Variants in NPL observed in about 807,000 individuals in gnomAD.
NPL encodes the protein N-acetylneuraminate pyruvate lyase.
NPL carries 32 observed loss-of-function variants against 41.1 expected under a neutral mutation model. The observed-to-expected ratio is 0.78, with a 90% CI of 0.59 to 1.05. The LOEUF is 1.05. Among genes scored for constraint, NPL ranks in the 50% least tolerant of loss-of-function variants. The pLI is 0.00. For missense variants in NPL, 321 were observed against 378.4 expected (o/e 0.85, Z 1.26); for synonymous variants, 128 against 134.9 (o/e 0.95, Z 0.35).
intron 4 of NPL, among the ~76,000 whole-genome samples, chr1:182,805,657 T>C (rs889275495): frequency 4.6e-5 from 7 of 152,212 alleles, no homozygotes; most frequent in African/African-American, 1.7e-4. Context: ...CCTTTGTGCT[T>C]ATTTATGAAA....
chr1:182,794,376 C>A lies in NPL; in HGVS notation c.5C>A (p.Ala2Asp), dbSNP rs1666598204. 2 of 1,613,936 alleles carry A rather than the reference C, an allele frequency of 1.2e-6. No individual in the cohort carries two copies. M[A>D]FPKKKLQGLV... ...TCCAGACCTACCAGCAGCTCAATGG[C>A]CTTCCCAAAGAAGAAACTTCAGGGT... Residue 2 changes from alanine (A) to aspartate (D), a missense_variant, in exon 3 of 13, where the codon GCC becomes GAC. Transcript: ENST00000367553.
At chr1:182,797,772 T>C (rs370130435) in intron 3 of NPL, among the ~76,000 whole-genome samples, 215 of 152,252 alleles carry the variant, frequency 1.4e-3, no homozygotes, top group African/African-American at 5.1e-3. Context: ...ATTTGTTTAT[T>C]ATTACAATAA....
intron 2 of NPL, among the ~76,000 whole-genome samples, chr1:182,793,165 T>A (rs1362125599): frequency 2.0e-5 from 3 of 152,260 alleles, no homozygotes; most frequent in Admixed American, 2.0e-4. Flanking sequence ...GGTCTGAAAT[T>A]GCATTTGTGG....
At position 182,828,265 on chromosome 1, in the gene NPL, A is replaced by T. The variant is rs1422909930; in HGVS notation, c.779-459A>T. On this transcript the variant is annotated intron_variant, in intron 12 of 12. Coordinates refer to ENST00000367553, the MANE Select transcript of NPL (RefSeq NM_030769.3). This position sits in a 1 kb window ranked among gnomAD's most constrained non-coding sequence, Gnocchi z 4.0. ...AGCATGAAAACAGCAGCGTTGAGTC[A>T]TAAGCCACCTTAAGTACTGCATTTC... Among the ~76,000 whole-genome samples, 1 of 152,238 alleles carries T rather than the reference A, an allele frequency of 6.6e-6. No individual in the cohort carries two copies. Among genetic ancestry groups the T allele is most frequent in the Non-Finnish European group, 1.5e-5 (1 of 68,042 alleles).
intron 6 of NPL, among the ~76,000 whole-genome samples, chr1:182,814,474 G>A (rs1465837423): frequency 6.6e-6 from 1 of 152,172 alleles, no homozygotes. Flanking sequence ...GAAATTACAT[G>A]AGCAGATATC....
chr1:182,803,364 G>A (rs903078033), intron 3 of NPL, among the ~76,000 whole-genome samples: 2 of 152,162 alleles, frequency 1.3e-5, no homozygotes, highest in African/African-American at 4.8e-5. Flanking sequence ...AAGATGTGTG[G>A]CCATATGGAC....
At chr1:182,794,608 A>C (rs751678248) in intron 3 of NPL, among the ~76,000 whole-genome samples, 169 bp downstream of exon 3, 1 of 152,202 alleles carries the variant, frequency 6.6e-6, no homozygotes, top group Non-Finnish European at 1.5e-5. Context: ...AAGTCTGAGG[A>C]GGCATTATAT....
Position 182,829,777 on chromosome 1 carries a change from C to T in NPL, c.*869C>T. The T allele has an allele frequency of 1.3e-6, 1 of 766,582 alleles. No individual in the cohort carries two copies. Among genetic ancestry groups the T allele is most frequent in the Non-Finnish European group, 2.2e-6 (1 of 459,012 alleles). 47.5% of individuals were successfully genotyped at this position (766,582 alleles called of 1,614,324 possible). A position where few individuals can be genotyped will look rare whatever the true frequency, so the allele number is the denominator to read the frequency against. On this transcript the variant is annotated 3_prime_UTR_variant, in exon 13 of 13. Transcript: ENST00000367553. ...GGGCTAATGTTATTATCCTGTCACA[C>T]TTGCAACTAGTGACTTTTGTTTAGT...
Position 182,818,642 on chromosome 1 carries a change from G to A in NPL, c.559G>A (p.Asp187Asn), listed in dbSNP as rs142507894. The A allele has an allele frequency of 3.1e-5, 50 of 1,614,102 alleles. No homozygotes were observed. Among genetic ancestry groups the A allele is most frequent in the Non-Finnish European group, 4.2e-6 (5 of 1,180,052 alleles). ...TCTCTTAGACTTCGGGCAATGTGTT[G>A]ATCAGAATCGCCAGCAACAGTTTGC... is the stretch of plus-strand genomic sequence containing the variant. Reference protein sequence around the residue: ...TDLLDFGQCVDQNRQQQFAFL... With the variant: ...TDLLDFGQCVNQNRQQQFAFL... The change falls in exon 9 of 13, where the codon GAT becomes AAT. Residue 187 changes from aspartate to asparagine, a missense_variant. Transcript: ENST00000367553.
chr1:182,819,302 T>G (rs995452103), intron 10 of NPL, among the ~76,000 whole-genome samples: 1 of 152,030 alleles, frequency 6.6e-6, no homozygotes, highest in Non-Finnish European at 1.5e-5. Context: ...AAAAATTAGC[T>G]GGGCATGGTG....
At chr1:182,794,304 T>TGAC in intron 2 of NPL, 52 bp from the exon 3 acceptor site, 3 of 1,487,014 alleles carry the variant, frequency 2.0e-6, no homozygotes, top group Non-Finnish European at 2.8e-6. Context: ...CTGGGAGTTT[T>TGAC]ATCATTGACA....
At chr1:182,806,505 C>T in intron 5 of NPL, 1 of 1,536,246 alleles carries the variant, frequency 6.5e-7, no homozygotes, top group South Asian at 1.2e-5. Context: ...CCAGTCCCCT[C>T]ACAGTTACCC....
chr1:182,821,562 A>G (rs2102564402), intron 10 of NPL, among the ~76,000 whole-genome samples: 1 of 152,338 alleles, frequency 6.6e-6, no homozygotes, highest in East Asian at 1.9e-4. Flanking sequence ...GACATGATTT[A>G]TGTCAAGCAC....
At chr1:182,807,472 A>G (rs1453383190) in intron 5 of NPL, among the ~76,000 whole-genome samples, 2 of 152,126 alleles carry the variant, frequency 1.3e-5, no homozygotes, top group Non-Finnish European at 2.9e-5. Context: ...TATCCACAGA[A>G]GCATTCTCTG....
intron 3 of NPL, among the ~76,000 whole-genome samples, chr1:182,800,286 A>G (rs1255085149): frequency 6.6e-6 from 1 of 151,812 alleles, no homozygotes; most frequent in Non-Finnish European, 1.5e-5. Flanking sequence ...AAATACAAAA[A>G]TTAGCTGGGC....
At chr1:182,814,196 A>C (rs1183495243) in intron 6 of NPL, among the ~76,000 whole-genome samples, 1 of 152,224 alleles carries the variant, frequency 6.6e-6, no homozygotes, top group South Asian at 2.1e-4. Flanking sequence ...GTCACCATAC[A>C]CAACTGCCTT....
intron 7 of NPL, among the ~76,000 whole-genome samples, chr1:182,815,108 G>A (rs1329897729): frequency 2.0e-5 from 3 of 152,170 alleles, no homozygotes; most frequent in Non-Finnish European, 2.9e-5. Context: ...TTGATCTGTA[G>A]ATGCCTGTTT....
intron 3 of NPL, among the ~76,000 whole-genome samples, chr1:182,800,465 C>T (rs1418945894): frequency 7.2e-6 from 1 of 138,856 alleles, no homozygotes; most frequent in Non-Finnish European, 1.5e-5. Context: ...AAAAAACGGA[C>T]AGAATCCTCA....
intron 11 of NPL, 139 bp from the exon 12 acceptor site, chr1:182,825,642 T>A (rs1472936440): frequency 7.4e-6 from 5 of 678,174 alleles, no homozygotes. Flanking sequence ...TTCACTTGGC[T>A]ATTTTTCTCC....
Sources: gnomAD v4.1 joint callset for allele counts (sites outside exome capture counted in the v4.1 genomes callset) on GRCh38, gnomAD v4.1.1 for gene constraint, Gnocchi (gnomAD v3.1) non-coding constraint, MANE v1.5 for transcripts, NCBI Gene and HGNC (gene_info 2026-07-23, HGNC 2026-07-21) for gene names.